The following ACAN variants were observed in gnomAD, a reference collection of about 807,000 sequenced individuals.
The protein encoded by ACAN is aggrecan, also known as aggrecan core protein.
Under a neutral mutation model 169.1 loss-of-function variants are expected in ACAN, and 47 were observed. The observed-to-expected ratio is 0.28, with a 90% CI of 0.22 to 0.35. ACAN has a LOEUF of 0.35. Ranked by LOEUF, ACAN falls within the 10% of genes least tolerant of loss-of-function variation. ACAN has a pLI of 1.00. For missense variants in ACAN, 2,716 were observed against 2,759.9 expected, an observed-to-expected ratio of 0.98 and a Z score of 0.36; for synonymous variants, 1,115 against 1,112.2, an observed-to-expected ratio of 1.00 and a Z score of -0.05.
At position 88,805,105 on chromosome 15, in the gene ACAN, C is replaced by G. The variant is rs182190309; in HGVS notation, c.-8+1296C>G. On this transcript the variant is annotated intron_variant, in intron 1 of 18. Transcript: ENST00000560601. ...CTGAGGCCATAGTCGGTCCCTCGTCCTGATTTAAGAGTCCAGAATTCTTGG... is the reference window on the plus strand; with the variant it reads ...CTGAGGCCATAGTCGGTCCCTCGTCGTGATTTAAGAGTCCAGAATTCTTGG... Among the ~76,000 whole-genome samples, 5 of 152,320 alleles carry G rather than the reference C, an allele frequency of 3.3e-5. 1 individual carries two copies. Among genetic ancestry groups the G allele is most frequent in the Non-Finnish European group, 7.3e-5 (5 of 68,028 alleles).
At position 88,829,555 on chromosome 15, in the gene ACAN, G is replaced by A. The variant is rs140167132; in HGVS notation, c.-7-6645G>A. Among the ~76,000 whole-genome samples the A allele has an allele frequency of 9.7e-3, 1,483 of 152,290 alleles. 23 individuals are homozygous for A. The highest frequency in any genetic ancestry group is 0.011 in the Non-Finnish European group (748 of 68,030). On this transcript the variant is annotated intron_variant, in intron 1 of 18. Transcript: ENST00000560601. ...CAGCCTCGAGTGCATATGCTACTGCGTTTATGCACAGCTATCAGGATGATC... is the reference window on the plus strand; with the variant it reads ...CAGCCTCGAGTGCATATGCTACTGCATTTATGCACAGCTATCAGGATGATC...
rs977143807 is a variant in ACAN at position 88,875,286 on chromosome 15, G to A, written c.*805G>A. The A allele has an allele frequency of 2.0e-5, 3 of 149,340 alleles. No homozygotes were observed. The highest frequency in any genetic ancestry group is 7.4e-5 in the African/African-American group (3 of 40,308). The allele number at this position is 149,340 out of a possible 1,614,324, so 9.3% of individuals were successfully genotyped here. ...GACCGTGCAGGCACCAGGGTTCCGT[G>A]CACCTATTTATATTTTTGAAAACTG... On this transcript the variant is annotated 3_prime_UTR_variant, in exon 19 of 19. Transcript: ENST00000560601. This position sits in a 1 kb window ranked among gnomAD's most constrained non-coding sequence, Gnocchi z 4.8.
At position 88,807,363 on chromosome 15, in the gene ACAN, C is replaced by T. The variant is rs1270097907; in HGVS notation, c.-8+3554C>T. 6.6e-6 allele frequency among the ~76,000 whole-genome samples: 1 copy of T among 152,198 alleles called. No homozygotes were observed. The highest frequency in any genetic ancestry group is 2.4e-5 in the African/African-American group (1 of 41,438). ...TCTCCTGCTGTCAACGGCCTGGCCTCGTGGCCATGCTTCGTGTCCTGATGG... is the reference window on the plus strand; with the variant it reads ...TCTCCTGCTGTCAACGGCCTGGCCTTGTGGCCATGCTTCGTGTCCTGATGG... On this transcript the variant is annotated intron_variant, in intron 1 of 18. Transcript: ENST00000560601. The surrounding 1 kb of genome is among the most constrained non-coding windows in gnomAD (Gnocchi z 4.0).
At chr15:88,827,092 A>G (rs1392998837) in intron 1 of ACAN, among the ~76,000 whole-genome samples, 1 of 152,148 alleles carries the variant, frequency 6.6e-6, no homozygotes, top group African/African-American at 2.4e-5. Context: ...CTTCCTAAAG[A>G]TGGCCCCTAG....
chr15:88,845,743 T>C lies in ACAN; in HGVS notation c.1290T>C (p.Ala430=). The C allele has an allele frequency of 6.2e-7, 1 of 1,613,492 alleles. No homozygotes were observed. The highest frequency in any genetic ancestry group is 1.1e-5 in the South Asian group (1 of 90,992). ...CTGAAATAGGGGCCACTGCCTTCGC[T>C]GAGGTTGAGAATGAGACTGGAGAGG... ...FAPEIGATAF[A]EVENETGEAT... The change falls in exon 7 of 19, where the codon GCT becomes GCC. Residue 430 remains alanine, a synonymous_variant. Transcript: ENST00000560601.
chr15:88,824,750 A>G (rs1490399542), intron 1 of ACAN, among the ~76,000 whole-genome samples: 1 of 151,940 alleles, frequency 6.6e-6, no homozygotes, highest in African/African-American at 2.4e-5. Flanking sequence ...ATGGTGGCAC[A>G]CACCTGTAAT....
chr15:88,804,117 A>G (rs1364961974), intron 1 of ACAN, among the ~76,000 whole-genome samples: 45 of 152,172 alleles, frequency 3.0e-4, no homozygotes, highest in Non-Finnish European at 4.4e-5. Flanking sequence ...TTTAAATCCT[A>G]GGGTCTGGAA....
In ACAN at chr15:88,851,099, T is replaced by C. The variant is rs1896920042; in HGVS notation, c.2027-695T>C. On this transcript the variant is annotated intron_variant, in intron 10 of 18. Transcript: ENST00000560601. The surrounding 1 kb of genome is among the most constrained non-coding windows in gnomAD (Gnocchi z 4.3). ...TAACCTCCCAGAAATTTCCCAGCCATGCTGCCCCCAGCCTCCCACCCCTGA... is the reference window on the plus strand; with the variant it reads ...TAACCTCCCAGAAATTTCCCAGCCACGCTGCCCCCAGCCTCCCACCCCTGA... 1 of 152,296 alleles carries C rather than the reference T, an allele frequency of 6.6e-6. No homozygotes were observed. The highest frequency in any genetic ancestry group is 2.4e-5 in the African/African-American group (1 of 41,400). The allele number at this position is 152,296 out of a possible 1,614,324, so 9.4% of individuals were successfully genotyped here.
In ACAN at chr15:88,870,671, G is replaced by A. The variant is rs1174644712; in HGVS notation, c.7061-711G>A. Among the ~76,000 whole-genome samples the A allele has an allele frequency of 7.9e-5, 12 of 152,098 alleles. No individual in the cohort carries two copies. In the East Asian group the frequency reaches 1.7e-3, roughly 22 times the overall value. On this transcript the variant is annotated intron_variant, in intron 14 of 18. Transcript: ENST00000560601. This position sits in a 1 kb window ranked among gnomAD's most constrained non-coding sequence, Gnocchi z 6.3. ...CTTCTCCAGACTGAGAACCCATTAC[G>A]AATTTAGGTTTGTGAGGAGAGAAGC...
chr15:88,853,892 T>G (rs749414449), intron 11 of ACAN, among the ~76,000 whole-genome samples: 4 of 147,950 alleles, frequency 2.7e-5, no homozygotes, highest in Non-Finnish European at 5.9e-5. Flanking sequence ...ATGCCCCACC[T>G]CCCCCTCTAA....
In ACAN at chr15:88,857,922, C is replaced by G; in HGVS notation, c.5337C>G (p.Pro1779=). 1 of 1,613,776 alleles carries G rather than the reference C, an allele frequency of 6.2e-7. No individual in the cohort carries two copies. The highest frequency in any genetic ancestry group is 8.5e-7 in the Non-Finnish European group (1 of 1,179,866). The change falls in exon 12 of 19, where the codon CCC becomes CCG. Residue 1779 remains proline, a synonymous_variant. Transcript: ENST00000560601. ...ASGVLYGTSQ[P]FGITDLSGET... is the part of the protein sequence containing the mutation. ...GAGTTCTTTATGGCACTAGTCAACC[C>G]TTTGGCATAACTGATCTGAGTGGAG...
At position 88,872,332 on chromosome 15, in the gene ACAN, C is replaced by T. The variant is rs1897400515; in HGVS notation, c.7302+247C>T. Reference sequence around the variant, plus strand: ...GAAATGAAGGAATAACAGCCACCACCATGAGGAGTATACGGAAGCTTTAGA... The same window carrying T: ...GAAATGAAGGAATAACAGCCACCACTATGAGGAGTATACGGAAGCTTTAGA... On this transcript the variant is annotated intron_variant, in intron 16 of 18. Transcript: ENST00000560601. This position sits in a 1 kb window ranked among gnomAD's most constrained non-coding sequence, Gnocchi z 5.4. Among the ~76,000 whole-genome samples the T allele has an allele frequency of 6.6e-6, 1 of 152,208 alleles. No homozygotes were observed. Among genetic ancestry groups the T allele is most frequent in the African/African-American group, 2.4e-5 (1 of 41,458 alleles).
intron 1 of ACAN, among the ~76,000 whole-genome samples, chr15:88,822,664 C>T (rs1896106356): frequency 6.6e-6 from 1 of 152,068 alleles, no homozygotes; most frequent in Admixed American, 6.6e-5. Flanking sequence ...GAACTCCTGA[C>T]CTCAGGTGAT....
In ACAN at chr15:88,855,482, C is replaced by G. The variant is rs1479797477; in HGVS notation, c.2897C>G (p.Ser966Cys). 1.2e-6 allele frequency: 2 copies of G among 1,613,618 alleles called. No individual in the cohort carries two copies. Among genetic ancestry groups the G allele is most frequent in the Admixed American group, 3.3e-5 (2 of 59,926 alleles). The change falls in exon 12 of 19, where the codon TCT becomes TGT. Residue 966 changes from serine (S) to cysteine (C), a missense_variant. Ser to Cys is a moderately radical substitution (Grantham distance 112). Transcript: ENST00000560601. Reference sequence around the variant, plus strand: ...CCTTCTGGAGAAGTTCTAGAGACCTCTGCCTCTGGAGTAGGAGACCTCAGT... The same window carrying G: ...CCTTCTGGAGAAGTTCTAGAGACCTGTGCCTCTGGAGTAGGAGACCTCAGT... The part of the protein sequence containing the change: ...GLPSGEVLET[S>C]ASGVGDLSGL...
chr15:88,840,088 G>A lies in ACAN; in HGVS notation c.531G>A (p.Gln177=). The part of the protein sequence containing the change: ...DFDRAQRACL[Q]NSAIIATPEQ... ...ACAGGGCGCAGCGGGCCTGCCTGCA[G>A]AACAGTGCCATCATTGCCACGCCTG... Residue 177 remains glutamine, a synonymous_variant, in exon 4 of 19, where the codon CAG becomes CAA. Coordinates refer to ENST00000560601, the MANE Select transcript of ACAN (RefSeq NM_001369268.1). 2 of 1,604,670 alleles carry A rather than the reference G, an allele frequency of 1.2e-6. No homozygotes were observed. The highest frequency in any genetic ancestry group is 1.7e-6 in the Non-Finnish European group (2 of 1,175,542).
rs879158551 is a variant in ACAN at position 88,857,195 on chromosome 15, T to C, written c.4610T>C (p.Ile1537Thr). The change falls in exon 12 of 19, where the codon ATT becomes ACT. Residue 1537 changes from isoleucine to threonine, a missense_variant. Coordinates refer to ENST00000560601, the MANE Select transcript of ACAN (RefSeq NM_001369268.1). ...CCTTCTGGAGAAGAAGTTCTAGAGA[T>C]TTCTGCCTCTGGATTTGGGGACCTC... ...RLPSGEEVLEISASGFGDLSG... is the reference protein window; with the variant it reads ...RLPSGEEVLETSASGFGDLSG... The C allele has an allele frequency of 6.2e-7, 1 of 1,611,188 alleles. No individual in the cohort carries two copies. The highest frequency in any genetic ancestry group is 8.5e-7 in the Non-Finnish European group (1 of 1,179,126).
intron 1 of ACAN, among the ~76,000 whole-genome samples, chr15:88,810,792 A>G (rs982449116): frequency 1.6e-4 from 24 of 152,148 alleles, no homozygotes; most frequent in African/African-American, 5.8e-4. Flanking sequence ...CTTCAGTGAG[A>G]TGGGGGCTTG....
chr15:88,824,021 C>T (rs971082043), intron 1 of ACAN, among the ~76,000 whole-genome samples: 2 of 152,002 alleles, frequency 1.3e-5, no homozygotes, highest in South Asian at 2.1e-4. Context: ...CAGTTATGAT[C>T]GGTCTTAAGA....
At chr15:88,811,909 C>G (rs61228486) in intron 1 of ACAN, among the ~76,000 whole-genome samples, 5,074 of 152,146 alleles carry the variant, frequency 0.033, 244 homozygotes, top group African/African-American at 0.12. Context: ...GTGCTTTGTT[C>G]TCCCCCATCC....
Sources: gnomAD v4.1 joint callset for allele counts (sites outside exome capture counted in the v4.1 genomes callset) on GRCh38, gnomAD v4.1.1 for gene constraint, Gnocchi (gnomAD v3.1) non-coding constraint, MANE v1.5 for transcripts, NCBI Gene and HGNC (gene_info 2026-07-23, HGNC 2026-07-21) for gene names.